Variants in SLC36A1 observed in about 807,000 individuals in gnomAD.
The protein encoded by SLC36A1 is solute carrier family 36 member 1.
Under a neutral mutation model 47.5 loss-of-function variants are expected in SLC36A1, and 30 were observed. The observed-to-expected ratio is 0.63, with a 90% confidence interval of 0.47 to 0.86. The LOEUF (loss-of-function observed/expected upper bound fraction) is 0.86, where lower values mean the gene tolerates loss of function less well. Among genes scored for constraint, SLC36A1 ranks in the 40% least tolerant of loss-of-function variants. The pLI is 0.00. For missense variants in SLC36A1, 517 were observed against 606.0 expected, an observed-to-expected ratio of 0.85 and a Z score of 1.54; for synonymous variants, 255 against 249.7, an observed-to-expected ratio of 1.02 and a Z score of -0.20.
the SLC36A1 span, chr5:151,551,367 G>A: frequency 9.7e-4 from 1,206 of 1,243,620 alleles, 18 homozygotes; most frequent in East Asian, 0.025. Flanking sequence ...AGTGTTCCTT[G>A]AGGAACACCA....
the SLC36A1 span, among the ~76,000 whole-genome samples, chr5:151,388,506 G>GAAAAA: frequency 9.5e-6 from 1 of 104,770 alleles, no homozygotes; most frequent in Non-Finnish European, 2.0e-5. Flanking sequence ...CATCTCAAAA[G>GAAAAA]AAAAAAAAAA....
At chr5:151,509,869 T>A in the SLC36A1 span, 16 of 839,542 alleles carry the variant, frequency 1.9e-5, no homozygotes, top group Non-Finnish European at 3.0e-5. Context: ...GCCAAAAAGG[T>A]TGGGGACCAC....
At chr5:151,375,379 G>T in the SLC36A1 span, among the ~76,000 whole-genome samples, 1 of 152,086 alleles carries the variant, frequency 6.6e-6, no homozygotes, top group Non-Finnish European at 1.5e-5. Context: ...TAGACATGTG[G>T]CTCTATTTCT....
At chr5:151,375,658 T>C in the SLC36A1 span, among the ~76,000 whole-genome samples, 15 of 152,186 alleles carry the variant, frequency 9.9e-5, no homozygotes, top group Non-Finnish European at 2.1e-4. Flanking sequence ...TTGGGCAGTA[T>C]AGTCATTTTA....
At chr5:151,377,682 T>G in the SLC36A1 span, among the ~76,000 whole-genome samples, 2 of 152,218 alleles carry the variant, frequency 1.3e-5, no homozygotes, top group Non-Finnish European at 2.9e-5. Flanking sequence ...AATACTTGTT[T>G]TATAAATTTG....
chr5:151,476,578 A>G lies in SLC36A1; in HGVS notation c.823-12A>G, dbSNP rs753695707. ...TCTGCACTTTCTCTCCTCTCTCACT[A>G]CTCTCTCATAGGTTCTGCCCCTGGA... On this transcript the variant is annotated splice_polypyrimidine_tract_variant and intron_variant, in intron 8 of 10. Coordinates refer to ENST00000243389, the MANE Select transcript of SLC36A1 (RefSeq NM_078483.4). 9 of 1,478,866 alleles carry G rather than the reference A, an allele frequency of 6.1e-6. No individual in the cohort carries two copies. In the Admixed American group the frequency reaches 9.1e-5, roughly 15 times the overall value. 91.6% of individuals were successfully genotyped at this position (1,478,866 alleles called of 1,614,324 possible). A position where few individuals can be genotyped will look rare whatever the true frequency, so the allele number is the denominator to read the frequency against.
At chr5:151,528,304 C>T in the SLC36A1 span, among the ~76,000 whole-genome samples, 1 of 152,194 alleles carries the variant, frequency 6.6e-6, no homozygotes, top group African/African-American at 2.4e-5. Context: ...GTGTGGACTT[C>T]AGCATGCCAT....
the SLC36A1 span, among the ~76,000 whole-genome samples, chr5:151,409,215 G>C: frequency 6.6e-6 from 1 of 151,860 alleles, no homozygotes; most frequent in African/African-American, 2.4e-5. Context: ...TTCCACTCTG[G>C]TCTTGAACTC....
the SLC36A1 span, chr5:151,509,996 G>A: frequency 1.2e-6 from 2 of 1,609,902 alleles, no homozygotes; most frequent in African/African-American, 1.4e-5. Context: ...AGGAGCCCAT[G>A]GCAGGTGGCC....
chr5:151,349,025 A>G, the SLC36A1 span, among the ~76,000 whole-genome samples: 1 of 152,162 alleles, frequency 6.6e-6, no homozygotes, highest in Admixed American at 6.6e-5. Context: ...TGGCAGTATT[A>G]CTGGTCTGTG....
the SLC36A1 span, among the ~76,000 whole-genome samples, chr5:151,397,712 T>C: frequency 0.44 from 61,746 of 139,454 alleles, 13,361 homozygotes; most frequent in African/African-American, 0.56. Context: ...TGCAGTGAGC[T>C]GAGATCACGC....
the SLC36A1 span, among the ~76,000 whole-genome samples, chr5:151,357,051 A>T: frequency 6.6e-6 from 1 of 152,210 alleles, no homozygotes; most frequent in African/African-American, 2.4e-5. Flanking sequence ...TAAGAGGAAG[A>T]AGGGTAGGAA....
the SLC36A1 span, among the ~76,000 whole-genome samples, chr5:151,500,807 T>C: frequency 6.6e-6 from 1 of 152,262 alleles, no homozygotes; most frequent in African/African-American, 2.4e-5. Flanking sequence ...GAACTGCAAG[T>C]CTGCCTGAGC....
At chr5:151,404,727 T>C in the SLC36A1 span, among the ~76,000 whole-genome samples, 2 of 152,350 alleles carry the variant, frequency 1.3e-5, no homozygotes, top group Non-Finnish European at 2.9e-5. Context: ...ATGCTGAAAA[T>C]AGGCCCCTAA....
In SLC36A1 at chr5:151,486,027, C is replaced by T. The variant is rs78623732; in HGVS notation, c.1160-1956C>T. Among the ~76,000 whole-genome samples the T allele has an allele frequency of 4.9e-3, 741 of 152,248 alleles. 4 individuals are homozygous for T. The highest frequency in any genetic ancestry group is 0.017 in the African/African-American group (711 of 41,542). On this transcript the variant is annotated intron_variant, in intron 10 of 10. Transcript: ENST00000243389. Reference sequence around the variant, plus strand: ...TTTCCCTGGTGTGTTAGTCCATTTGCGTTGTTATAAAGAAGCACCTGAGAC... The same window carrying T: ...TTTCCCTGGTGTGTTAGTCCATTTGTGTTGTTATAAAGAAGCACCTGAGAC...
rs1756683865 is a variant in SLC36A1, at chr5:151,467,934, C to G, written c.723+9C>G. 6.2e-7 allele frequency: 1 copy of G among 1,609,888 alleles called. No individual in the cohort carries two copies. The highest frequency in any genetic ancestry group is 8.5e-7 in the Non-Finnish European group (1 of 1,176,754). On this transcript the variant is annotated intron_variant, in intron 7 of 10. Transcript: ENST00000243389. The stretch of plus-strand genomic sequence containing the variant: ...ACCAGTTCATTGTTCAGGTACATGC[C>G]TAGGCCCTCTCCTATCATCTTGGTT...
rs999239588 is a variant in SLC36A1, at chr5:151,456,297, C to T, written c.-5-2491C>T. ...ATGCTGGGATTACAGGTGTGAGACA[C>T]TGCACTCAGCTGCTGTTTGCATAAA... On this transcript the variant is annotated intron_variant, in intron 1 of 10. Coordinates refer to ENST00000243389, the MANE Select transcript of SLC36A1 (RefSeq NM_078483.4). Among the ~76,000 whole-genome samples the T allele has an allele frequency of 2.0e-5, 3 of 152,290 alleles. No individual in the cohort carries two copies. In the South Asian group the frequency reaches 6.2e-4, roughly 32 times the overall value.
the SLC36A1 span, chr5:151,543,814 A>G: frequency 1.2e-6 from 2 of 1,614,138 alleles, no homozygotes; most frequent in African/African-American, 2.7e-5. Flanking sequence ...AAGGTTGAAC[A>G]TAGAAATTAT....
At chr5:151,409,569 C>T in the SLC36A1 span, among the ~76,000 whole-genome samples, 1 of 152,152 alleles carries the variant, frequency 6.6e-6, no homozygotes, top group South Asian at 2.1e-4. Context: ...GCTTTTGACT[C>T]AAAATGTGGG....
Sources: allele counts gnomAD v4.1 joint callset (sites outside exome capture counted in the v4.1 genomes callset), GRCh38; gene constraint gnomAD v4.1.1; transcripts MANE v1.5; gene names NCBI Gene and HGNC (gene_info 2026-07-23, HGNC 2026-07-21).